Variants in NMNAT2 observed in about 807,000 individuals in gnomAD.
The protein encoded by NMNAT2 is nicotinamide nucleotide adenylyltransferase 2.
In NMNAT2, 11 loss-of-function variants were observed where a neutral mutation model predicts 41.6. That is an observed-to-expected ratio of 0.26 (90% CI 0.17 to 0.44). The LOEUF (loss-of-function observed/expected upper bound fraction) is 0.44. Ranked by LOEUF, NMNAT2 falls within the 20% of genes least tolerant of loss-of-function variation. NMNAT2 has a pLI of 1.00. For synonymous variants in NMNAT2, 148 were observed against 151.2 expected (o/e 0.98, Z 0.16); for missense variants, 288 against 407.7 (o/e 0.71, Z 2.53).
At chr1:183,397,396 A>T (rs1648678401) in intron 1 of NMNAT2, among the ~76,000 whole-genome samples, 1 of 152,188 alleles carries the variant, frequency 6.6e-6, no homozygotes, top group South Asian at 2.1e-4. Context: ...AAAGCCTCCA[A>T]GCAATATAGG....
At chr1:183,292,902 C>T (rs771294671) in intron 2 of NMNAT2, 45 bp from the exon 3 acceptor site, 2 of 1,586,654 alleles carry the variant, frequency 1.3e-6, no homozygotes, top group Non-Finnish European at 8.7e-7. Flanking sequence ...CTCCGTTCCC[C>T]ACAACATCCT....
chr1:183,318,839 A>G (rs1333024380), intron 1 of NMNAT2, among the ~76,000 whole-genome samples: 1 of 152,254 alleles, frequency 6.6e-6, no homozygotes, highest in Non-Finnish European at 1.5e-5. Flanking sequence ...AAGGGCAAAG[A>G]AGTACAAGCC....
intron 8 of NMNAT2, among the ~76,000 whole-genome samples, chr1:183,271,126 G>A (rs1296781707): frequency 6.6e-6 from 1 of 152,152 alleles, no homozygotes; most frequent in East Asian, 1.9e-4. Flanking sequence ...TCTGGTGGCT[G>A]ATGTTCCATC....
chr1:183,315,040 T>A (rs936659317), intron 1 of NMNAT2, among the ~76,000 whole-genome samples: 1 of 152,234 alleles, frequency 6.6e-6, no homozygotes, highest in African/African-American at 2.4e-5. Flanking sequence ...GTTTCTAACA[T>A]CAGCTCATGC....
At chr1:183,417,894 T>C (rs1376015755) in intron 1 of NMNAT2, among the ~76,000 whole-genome samples, 2 of 151,962 alleles carry the variant, frequency 1.3e-5, no homozygotes. Context: ...AGTTCTGGTA[T>C]CTCGAACCCC....
chr1:183,385,393 A>G (rs1424562980), intron 1 of NMNAT2, among the ~76,000 whole-genome samples: 2 of 152,214 alleles, frequency 1.3e-5, no homozygotes, highest in Non-Finnish European at 2.9e-5. Flanking sequence ...CTATCTAACA[A>G]TCTAAAAATA....
intron 1 of NMNAT2, among the ~76,000 whole-genome samples, chr1:183,405,121 G>A (rs1309086522): frequency 6.6e-6 from 1 of 152,142 alleles, no homozygotes; most frequent in Non-Finnish European, 1.5e-5. Flanking sequence ...TTGGAAGGCT[G>A]AGGTGAAAGG....
At chr1:183,300,409 A>G (rs1661819271) in intron 1 of NMNAT2, among the ~76,000 whole-genome samples, 1 of 113,132 alleles carries the variant, frequency 8.8e-6, no homozygotes, top group African/African-American at 3.0e-5. Context: ...GACTCCATCT[A>G]AAAAAAAGAA....
chr1:183,335,141 T>C (rs892199956), intron 1 of NMNAT2, among the ~76,000 whole-genome samples: 1 of 152,236 alleles, frequency 6.6e-6, no homozygotes, highest in African/African-American at 2.4e-5. Context: ...CCCGTTTTAC[T>C]GGGCTTCTGT....
chr1:183,251,235 C>T lies in NMNAT2; in HGVS notation c.*1406G>A, dbSNP rs1224013712. 6 of 152,246 alleles carry T rather than the reference C, an allele frequency of 3.9e-5. No homozygotes were observed. Among genetic ancestry groups the T allele is most frequent in the African/African-American group, 1.4e-4 (6 of 41,448 alleles). 9.4% of individuals were successfully genotyped at this position (152,246 alleles called of 1,614,324 possible). A position where few individuals can be genotyped will look rare whatever the true frequency, so the allele number is the denominator to read the frequency against. On this transcript the variant is annotated 3_prime_UTR_variant, in exon 11 of 11. Transcript: ENST00000287713. ...TTAGGGAGATTTTCTCAGACAGTTC[C>T]TGCAGCTCCCAGGCTCTGCAGGGGC...
Position 183,252,731 on chromosome 1 carries a change from C to T in NMNAT2, c.834G>A (p.Gln278=). The T allele has an allele frequency of 6.2e-7, 1 of 1,613,718 alleles. No homozygotes were observed. Among genetic ancestry groups the T allele is most frequent in the Admixed American group, 1.7e-5 (1 of 60,018 alleles). The change falls in exon 11 of 11, where the codon CAG becomes CAA. Residue 278 remains glutamine, a synonymous_variant. Coordinates refer to ENST00000287713, the MANE Select transcript of NMNAT2 (RefSeq NM_015039.4). ...VSSTKSRLAL[Q]HGDGHVVDYL... ...AATCCACAACATGGCCGTCCCCATGCTGCAGGGCCAGCCTGCACAAGAAGA... is the reference window on the plus strand; with the variant it reads ...AATCCACAACATGGCCGTCCCCATGTTGCAGGGCCAGCCTGCACAAGAAGA...
At chr1:183,416,869 G>T (rs1649265214) in intron 1 of NMNAT2, among the ~76,000 whole-genome samples, 1 of 152,084 alleles carries the variant, frequency 6.6e-6, no homozygotes, top group Non-Finnish European at 1.5e-5. Context: ...GAGGGCTCGC[G>T]CAGTCCTCAG....
At chr1:183,371,397 A>G (rs1258830300) in intron 1 of NMNAT2, among the ~76,000 whole-genome samples, 1 of 152,220 alleles carries the variant, frequency 6.6e-6, no homozygotes, top group Non-Finnish European at 1.5e-5. Context: ...AGGTGGTTAC[A>G]TGTCAATAAA....
chr1:183,400,777 G>A (rs929210176), intron 1 of NMNAT2, among the ~76,000 whole-genome samples: 1 of 152,122 alleles, frequency 6.6e-6, no homozygotes, highest in African/African-American at 2.4e-5. Flanking sequence ...ACAATCATCT[G>A]ATCTTTGACA....
intron 7 of NMNAT2, among the ~76,000 whole-genome samples, chr1:183,280,193 C>T (rs980379427): frequency 3.9e-5 from 6 of 152,150 alleles, no homozygotes; most frequent in African/African-American, 1.4e-4. Context: ...GCTTATTTCT[C>T]GGATTCTGTT....
intron 10 of NMNAT2, among the ~76,000 whole-genome samples, chr1:183,254,235 CTCA>C (rs1660465265): frequency 1.3e-5 from 2 of 152,160 alleles, no homozygotes; most frequent in Non-Finnish European, 2.9e-5. Flanking sequence ...TCTCCACACC[CTCA>C]TCGACATTTG....
chr1:183,371,330 G>C (rs1316601203), intron 1 of NMNAT2, among the ~76,000 whole-genome samples: 8 of 152,202 alleles, frequency 5.3e-5, no homozygotes, highest in African/African-American at 9.7e-5. Flanking sequence ...GGAAGGATGG[G>C]CAGGCAGAGC....
chr1:183,345,788 G>A lies in NMNAT2; in HGVS notation c.86-51995C>T, dbSNP rs545409347. ...TGCAAGCTCCGCCTCCCGGGTTCAC[G>A]CCATTCTCCTGCCTCAGCCTCCCGA... On this transcript the variant is annotated intron_variant, in intron 1 of 10. Transcript: ENST00000287713. Among the ~76,000 whole-genome samples the A allele has an allele frequency of 3.3e-5, 5 of 151,098 alleles. No homozygotes were observed. The South Asian group carries it at 8.3e-4, about 25-fold the overall frequency.
chr1:183,306,050 T>A (rs1328452303), intron 1 of NMNAT2, among the ~76,000 whole-genome samples: 1 of 152,182 alleles, frequency 6.6e-6, no homozygotes, highest in East Asian at 1.9e-4. Context: ...TGTGTTTATC[T>A]TCCCTCTCTA....
Sources: gnomAD v4.1 joint callset for allele counts (sites outside exome capture counted in the v4.1 genomes callset) on GRCh38, gnomAD v4.1.1 for gene constraint, MANE v1.5 for transcripts, NCBI Gene and HGNC (gene_info 2026-07-23, HGNC 2026-07-21) for gene names.